The following TNKS variants were observed in gnomAD, a reference collection of about 807,000 sequenced individuals.
TNKS encodes the protein tankyrase.
A neutral mutation model predicts 135.8 loss-of-function variants in TNKS; 72 were observed. That is an observed-to-expected ratio of 0.53 (90% CI 0.44 to 0.64). TNKS has a LOEUF of 0.64. Among genes scored for constraint, TNKS ranks in the 30% least tolerant of loss-of-function variants. TNKS has a pLI of 0.00. For missense variants in TNKS, 1,769 were observed against 1,674.0 expected, an observed-to-expected ratio of 1.06 and a Z score of -0.99; for synonymous variants, 849 against 649.3, an observed-to-expected ratio of 1.31 and a Z score of -4.68.
At chr8:9,625,764 A>G (rs1049091895) in intron 3 of TNKS, among the ~76,000 whole-genome samples, 6 of 152,004 alleles carry the variant, frequency 3.9e-5, no homozygotes, top group African/African-American at 1.2e-4. Flanking sequence ...TATGATTTCA[A>G]TTTTTTTGAT....
At position 9,751,138 on chromosome 8, in the gene TNKS, T is replaced by C. The variant is rs548553903; in HGVS notation, c.2833-471T>C. On this transcript the variant is annotated intron_variant, in intron 18 of 26. Coordinates refer to ENST00000310430, the MANE Select transcript of TNKS (RefSeq NM_003747.3). Reference sequence around the variant, plus strand: ...TTGATGGGTGGCTGTCTTTGGAGACTATCTCCCGCATACTCGAAAAGCAGT... The same window carrying C: ...TTGATGGGTGGCTGTCTTTGGAGACCATCTCCCGCATACTCGAAAAGCAGT... 5.9e-5 allele frequency among the ~76,000 whole-genome samples: 9 copies of C among 152,344 alleles called. No individual in the cohort carries two copies. The South Asian group carries it at 1.9e-3, about 32-fold the overall frequency.
chr8:9,597,715 G>A (rs1385128286), intron 2 of TNKS, among the ~76,000 whole-genome samples: 2 of 152,152 alleles, frequency 1.3e-5, no homozygotes, highest in Non-Finnish European at 2.9e-5. Context: ...TCATGAGTAA[G>A]CAGCTCTCTT....
At chr8:9,640,095 C>T (rs2128776085) in intron 3 of TNKS, among the ~76,000 whole-genome samples, 1 of 152,224 alleles carries the variant, frequency 6.6e-6, no homozygotes, top group Middle Eastern at 3.4e-3. Flanking sequence ...AGTCTCATAT[C>T]TTGATTATAC....
chr8:9,764,542 AAATTT>A (rs1182648434), intron 22 of TNKS, among the ~76,000 whole-genome samples, 169 bp from the exon 23 acceptor site: 1 of 152,214 alleles, frequency 6.6e-6, no homozygotes, highest in Non-Finnish European at 1.5e-5. Flanking sequence ...GAAAGTGCAT[AAATTT>A]AATATTTATG....
chr8:9,614,734 G>C (rs1016249978), intron 2 of TNKS, among the ~76,000 whole-genome samples: 3 of 152,106 alleles, frequency 2.0e-5, no homozygotes, highest in Admixed American at 6.5e-5. Context: ...TGTTTGGGTA[G>C]TATTACAGCA....
In TNKS at chr8:9,706,815, G is replaced by T; in HGVS notation, c.1274G>T (p.Gly425Val). The change falls in exon 8 of 27, where the codon GGA becomes GTA. Residue 425 changes from glycine (G) to valine (V), a missense_variant. Gly to Val is a moderately radical substitution (Grantham distance 109). Around this residue, in one of 5 missense-constraint regions of TNKS, gnomAD observed 523 missense variants for 541.0 expected, o/e 0.97. Transcript: ENST00000310430. Reference protein sequence around the residue: ...YEVTELLLKHGACVNAMDLWQ... With the variant: ...YEVTELLLKHVACVNAMDLWQ... ...ATGTTTTTTTTCTCAATTCAGCATG[G>T]AGCTTGTGTTAATGCCATGGATCTC... is the stretch of plus-strand genomic sequence containing the variant. 1 of 1,607,682 alleles carries T rather than the reference G, an allele frequency of 6.2e-7. No individual in the cohort carries two copies. Among genetic ancestry groups the T allele is most frequent in the African/African-American group, 1.3e-5 (1 of 74,634 alleles).
In TNKS at chr8:9,615,864, A is replaced by C. The variant is rs35154340; in HGVS notation, c.994+187A>C. Among the ~76,000 whole-genome samples, 516 of 152,350 alleles carry C rather than the reference A, an allele frequency of 3.4e-3. 1 individual carries two copies. The highest frequency in any genetic ancestry group is 6.3e-3 in the Non-Finnish European group (429 of 68,032). On this transcript the variant is annotated intron_variant, in intron 3 of 26. Transcript: ENST00000310430. ...TTGCTATGCTGTCGTAAGCATAAGC[A>C]GTAAGATTGTTGGTCTACTTAGAAT...
At chr8:9,576,901 AAAATAT>A (rs1195143538) in intron 1 of TNKS, among the ~76,000 whole-genome samples, 2 of 152,194 alleles carry the variant, frequency 1.3e-5, no homozygotes, top group Non-Finnish European at 1.5e-5. Context: ...TGAAATGTAT[AAAATAT>A]AAATATAGAA....
At chr8:9,617,796 A>ACC (rs1289504637) in intron 3 of TNKS, among the ~76,000 whole-genome samples, 1 of 152,024 alleles carries the variant, frequency 6.6e-6, no homozygotes, top group Non-Finnish European at 1.5e-5. Context: ...CAATTGTAGT[A>ACC]CCCTTACTTA....
intron 3 of TNKS, among the ~76,000 whole-genome samples, chr8:9,630,460 C>G (rs756751749): frequency 6.6e-6 from 1 of 152,156 alleles, no homozygotes; most frequent in Non-Finnish European, 1.5e-5. Context: ...TTTGTTAAAT[C>G]TGTGTTGGTC....
intron 11 of TNKS, among the ~76,000 whole-genome samples, chr8:9,719,786 G>A (rs537884103): frequency 1.3e-5 from 2 of 152,240 alleles, no homozygotes; most frequent in South Asian, 4.2e-4. Flanking sequence ...CTCACAACTA[G>A]CTAAATGATT....
intron 1 of TNKS, among the ~76,000 whole-genome samples, chr8:9,562,752 A>G (rs569169144): frequency 7.2e-5 from 11 of 151,926 alleles, no homozygotes; most frequent in Admixed American, 1.3e-4. Flanking sequence ...TTATTTTTCA[A>G]GGACCTGCTA....
chr8:9,657,683 G>A (rs1490278539), intron 3 of TNKS, among the ~76,000 whole-genome samples: 1 of 89,256 alleles, frequency 1.1e-5, no homozygotes, highest in Non-Finnish European at 2.4e-5. Context: ...CGGACGGGGT[G>A]GCTGGCCGGG....
chr8:9,777,635 A>T lies in TNKS; in HGVS notation c.*899A>T, dbSNP rs1300835541. On this transcript the variant is annotated 3_prime_UTR_variant, in exon 27 of 27. Coordinates refer to ENST00000310430, the MANE Select transcript of TNKS (RefSeq NM_003747.3). Reference sequence around the variant, plus strand: ...GAGGCTGTGAAGGAAGAGCTGCATTAAGGAGGGTGAGGAGCGTGTGGTTCT... The same window carrying T: ...GAGGCTGTGAAGGAAGAGCTGCATTTAGGAGGGTGAGGAGCGTGTGGTTCT... The T allele has an allele frequency of 6.6e-6, 1 of 152,390 alleles. No homozygotes were observed. The highest frequency in any genetic ancestry group is 1.5e-5 in the Non-Finnish European group (1 of 68,192). The allele number at this position is 152,390 out of a possible 1,614,324, so 9.4% of individuals were successfully genotyped here.
intron 13 of TNKS, among the ~76,000 whole-genome samples, chr8:9,727,989 C>T (rs1422122432): frequency 3.3e-5 from 5 of 152,220 alleles, no homozygotes; most frequent in African/African-American, 1.2e-4. Context: ...AAATATAAGA[C>T]GATTAGGCTT....
intron 3 of TNKS, among the ~76,000 whole-genome samples, chr8:9,666,915 G>T (rs557974188): frequency 1.3e-5 from 2 of 151,984 alleles, no homozygotes; most frequent in South Asian, 4.2e-4. Flanking sequence ...AGTGTATAGA[G>T]GTATGTAATA....
intron 1 of TNKS, among the ~76,000 whole-genome samples, chr8:9,565,818 C>T (rs1445177477): frequency 2.0e-5 from 3 of 152,078 alleles, no homozygotes; most frequent in African/African-American, 7.2e-5. Flanking sequence ...GATCACGCCA[C>T]TGCACTCCAG....
intron 11 of TNKS, among the ~76,000 whole-genome samples, chr8:9,715,709 A>ATT (rs770316791): frequency 2.6e-5 from 4 of 152,172 alleles, no homozygotes; most frequent in Non-Finnish European, 5.9e-5. Flanking sequence ...TAGAAAACAA[A>ATT]TTGCTAGTAA....
intron 20 of TNKS, among the ~76,000 whole-genome samples, chr8:9,753,789 C>T (rs1055171912): frequency 1.3e-5 from 2 of 152,172 alleles, no homozygotes; most frequent in Admixed American, 1.3e-4. Flanking sequence ...ATGCTTGTAA[C>T]TTAAAGTGTG....
Sources: allele counts gnomAD v4.1 joint callset (sites outside exome capture counted in the v4.1 genomes callset), GRCh38; gene constraint gnomAD v4.1.1; regional missense constraint gnomAD v4.1.1; transcripts MANE v1.5; gene names NCBI Gene and HGNC (gene_info 2026-07-23, HGNC 2026-07-21).